The following HHATL variants were observed in gnomAD, a reference collection of about 807,000 sequenced individuals.
HHATL encodes the protein protein-cysteine N-palmitoyltransferase HHAT-like protein.
Under a neutral mutation model 59.7 loss-of-function variants are expected in HHATL, and 49 were observed. The ratio of observed to expected loss-of-function variants is 0.82; its 90% CI spans 0.65 to 1.04. The LOEUF (loss-of-function observed/expected upper bound fraction) is 1.04. HHATL is among the 50% of genes least tolerant of loss of function. HHATL has a pLI of 0.00. For synonymous variants in HHATL, 238 were observed against 257.3 expected (o/e 0.93, Z 0.72); for missense variants, 605 against 650.8 (o/e 0.93, Z 0.77).
At position 42,700,720 on chromosome 3, in the gene HHATL, C is replaced by T. The variant is rs778725411; in HGVS notation, c.106+1G>A. On this transcript the variant is annotated splice_donor_variant, in intron 2 of 11. Transcript: ENST00000441594. LOFTEE classifies it high-confidence loss of function. ...CACCTGCCCCGGGGCACAGCCATTA[C>T]CTTGTGAAGCCTCAAGGAGGCCCCG... is the stretch of plus-strand genomic sequence containing the variant. The T allele has an allele frequency of 3.1e-6, 5 of 1,607,750 alleles. No homozygotes were observed. The highest frequency in any genetic ancestry group is 1.3e-5 in the African/African-American group (1 of 74,854).
rs752426856 is a variant in HHATL, at chr3:42,697,015, G to T, written c.996C>A (p.Tyr332Ter). 44 of 1,605,738 alleles carry T rather than the reference G, an allele frequency of 2.7e-5. No homozygotes were observed. Among genetic ancestry groups the T allele is most frequent in the Non-Finnish European group, 3.7e-5 (44 of 1,175,212 alleles). Reference protein sequence around the residue: ...PQPPKCITALYVFAETHFDRG... With the variant: ...PQPPKCITAL ...CCAGCACTCACGTTTCCGCAAAGAC[G>T]TAGAGTGCGGTGATGCACTTGGGAG... is the stretch of plus-strand genomic sequence containing the variant. The change falls in exon 8 of 12, where the codon TAC (tyrosine) becomes TAA (stop). Residue 332 changes from tyrosine to a stop codon, truncating the protein, a stop_gained. Transcript: ENST00000441594. LOFTEE classifies it high-confidence loss of function.
chr3:42,693,218 C>A lies in HHATL; in HGVS notation c.1249G>T (p.Ala417Ser), dbSNP rs1268347686. The A allele has an allele frequency of 1.9e-6, 3 of 1,613,916 alleles. No individual in the cohort carries two copies. The highest frequency in any genetic ancestry group is 2.5e-6 in the Non-Finnish European group (3 of 1,179,886). ...CGGGACATCTGCACTGACAGAGAGG[C>A]CTATCCGGTCCAGGAAAGCATGGGC... ...AEWGPLARIE[A>S]SLSVQMSRRV... The change falls in exon 11 of 12, where the codon GCC becomes TCC. Residue 417 changes from alanine (A) to serine (S), a missense_variant and splice_region_variant. Physicochemically the swap from Ala to Ser is moderately conservative, Grantham distance 99. Coordinates refer to ENST00000441594, the MANE Select transcript of HHATL (RefSeq NM_020707.4).
intron 1 of HHATL, among the ~76,000 whole-genome samples, chr3:42,702,375 C>T (rs574986811): frequency 1.1e-3 from 167 of 152,360 alleles, no homozygotes; most frequent in Middle Eastern, 6.8e-3. Context: ...GGAGCTGGCC[C>T]CCAGCCTGGG....
intron 2 of HHATL, among the ~76,000 whole-genome samples, chr3:42,700,444 C>CTG (rs33966867): frequency 0.036 from 5,261 of 146,414 alleles, 133 homozygotes; most frequent in African/African-American, 0.072. Context: ...GTCCAGGCCT[C>CTG]TGTGTGTGTG....
Position 42,701,084 on chromosome 3 carries a change from G to A in HHATL, c.-13-245C>T. Reference sequence around the variant, plus strand: ...ACCCATCAAGGCTCTTGCCCGCAGAGCCCTCACTCGCAGCCTGCCTCCCTC... The same window carrying A: ...ACCCATCAAGGCTCTTGCCCGCAGAACCCTCACTCGCAGCCTGCCTCCCTC... On this transcript the variant is annotated intron_variant, in intron 1 of 11. Transcript: ENST00000441594. This position sits in a 1 kb window ranked among gnomAD's most constrained non-coding sequence, Gnocchi z 5.1. 2.1e-6 allele frequency: 1 copy of A among 482,410 alleles called. No individual in the cohort carries two copies. Among genetic ancestry groups the A allele is most frequent in the Non-Finnish European group, 3.7e-6 (1 of 266,912 alleles). The allele number at this position is 482,410 out of a possible 1,614,324, so 29.9% of individuals were successfully genotyped here. A position where few individuals can be genotyped will look rare whatever the true frequency, so the allele number is the denominator to read the frequency against.
chr3:42,700,834 A>G lies in HHATL; in HGVS notation c.-8T>C. ...TGCTGTCTTGATGCCCATAGCCTGGACAGGGCTGGGGAGACAGGTTGGGTG... is the reference window on the plus strand; with the variant it reads ...TGCTGTCTTGATGCCCATAGCCTGGGCAGGGCTGGGGAGACAGGTTGGGTG... On this transcript the variant is annotated 5_prime_UTR_variant, in exon 2 of 12. Transcript: ENST00000441594. 6.2e-7 allele frequency: 1 copy of G among 1,607,882 alleles called. No individual in the cohort carries two copies. Among genetic ancestry groups the G allele is most frequent in the Non-Finnish European group, 8.5e-7 (1 of 1,174,608 alleles).
chr3:42,693,569 C>CA (rs745582979), intron 10 of HHATL, 48 bp downstream of exon 10: 3 of 1,527,566 alleles, frequency 2.0e-6, no homozygotes, highest in South Asian at 1.2e-5. Flanking sequence ...AGTGCCCCCC[C>CA]GCCCTCTATG....
chr3:42,697,757 C>T, intron 6 of HHATL, 78 bp from the exon 7 acceptor site: 1 of 1,451,274 alleles, frequency 6.9e-7, no homozygotes, highest in African/African-American at 1.4e-5. Flanking sequence ...TCACCAACTA[C>T]TTGGGGCAGG....
chr3:42,693,285 G>C (rs1697434650), intron 10 of HHATL, 67 bp from the exon 11 acceptor site: 1 of 1,586,478 alleles, frequency 6.3e-7, no homozygotes, highest in Non-Finnish European at 8.6e-7. Context: ...TGGTGGGTCA[G>C]CAGCCTTACC....
At chr3:42,698,051 G>T in intron 6 of HHATL, 91 bp downstream of exon 6, 1 of 1,305,866 alleles carries the variant, frequency 7.7e-7, no homozygotes, top group Non-Finnish European at 1.1e-6. Flanking sequence ...TGGGGATACA[G>T]CCTGCTTGGG....
intron 1 of HHATL, among the ~76,000 whole-genome samples, 179 bp downstream of exon 1, chr3:42,702,400 A>G (rs1457348898): frequency 6.6e-6 from 1 of 152,012 alleles, no homozygotes; most frequent in South Asian, 2.1e-4. Context: ...CTCCTGATAG[A>G]CCCCCAGACC....
chr3:42,698,907 G>C lies in HHATL; in HGVS notation c.289-5C>G. The stretch of plus-strand genomic sequence containing the variant: ...AGCATACATCCAGGAGCGGAGCTGT[G>C]GGCAGGGAGAAGGCTTCAGTTTCGC... On this transcript the variant is annotated splice_region_variant and splice_polypyrimidine_tract_variant and intron_variant, in intron 4 of 11. Coordinates refer to ENST00000441594, the MANE Select transcript of HHATL (RefSeq NM_020707.4). 1 of 1,604,912 alleles carries C rather than the reference G, an allele frequency of 6.2e-7. No individual in the cohort carries two copies. Among genetic ancestry groups the C allele is most frequent in the Non-Finnish European group, 8.5e-7 (1 of 1,174,560 alleles).
chr3:42,700,700 GC>G lies in HHATL; in HGVS notation c.106+20del. 6.4e-7 allele frequency: 1 copy of G among 1,559,310 alleles called. No individual in the cohort carries two copies. Among genetic ancestry groups the G allele is most frequent in the Non-Finnish European group, 8.8e-7 (1 of 1,132,968 alleles). On this transcript the variant is annotated intron_variant, in intron 2 of 11. Transcript: ENST00000441594. The stretch of plus-strand genomic sequence containing the variant: ...AGGGGAAGAAGGGTCCTGTCCACCT[GC>G]CCCGGGGCACAGCCATTACCTTGTG...
chr3:42,693,591 C>T (rs1697452361), intron 10 of HHATL, 26 bp downstream of exon 10: 3 of 1,605,400 alleles, frequency 1.9e-6, no homozygotes, highest in Non-Finnish European at 2.6e-6. Flanking sequence ...CCCAGCCAGT[C>T]CCAGCCCCAG....
chr3:42,698,981 G>C (rs1299006823), intron 4 of HHATL, 51 bp downstream of exon 4: 1 of 1,611,308 alleles, frequency 6.2e-7, no homozygotes, highest in Admixed American at 1.7e-5. Flanking sequence ...CAACCCTTGT[G>C]GTGAAAGAGG....
At chr3:42,695,030 G>T (rs1575230320) in intron 9 of HHATL, among the ~76,000 whole-genome samples, 1 of 152,156 alleles carries the variant, frequency 6.6e-6, no homozygotes, top group African/African-American at 2.4e-5. Flanking sequence ...GCACATAGGT[G>T]CTCAATAAAT....
intron 4 of HHATL, 49 bp downstream of exon 4, chr3:42,698,983 T>C (rs771137074): frequency 3.9e-5 from 63 of 1,611,152 alleles, no homozygotes; most frequent in Non-Finnish European, 4.8e-5. Context: ...ACCCTTGTGG[T>C]GAAAGAGGAG....
rs769883385 is a variant in HHATL, at chr3:42,698,243, G to T, written c.592C>A (p.Pro198Thr). ...TSFALESCAHPDRHYSLADLL... is the reference protein window; with the variant it reads ...TSFALESCAHTDRHYSLADLL... ...TCAGCTAAGGAGTAGTGGCGGTCAG[G>T]GTGGGCACAGCTCTCCAGTGCAAAG... The change falls in exon 6 of 12, where the codon CCT becomes ACT. Residue 198 changes from proline to threonine, a missense_variant. By Grantham distance (38) the Pro-to-Thr change is conservative (BLOSUM62 -1). Transcript: ENST00000441594. 2 of 1,614,028 alleles carry T rather than the reference G, an allele frequency of 1.2e-6. No homozygotes were observed. The highest frequency in any genetic ancestry group is 1.7e-6 in the Non-Finnish European group (2 of 1,180,018).
chr3:42,697,173 G>T, intron 7 of HHATL, 28 bp from the exon 8 acceptor site: 1 of 1,511,232 alleles, frequency 6.6e-7, no homozygotes, highest in Non-Finnish European at 8.8e-7. Context: ...TCACTGCCTG[G>T]GGTCCAATCG....
Sources: gnomAD v4.1 joint callset for allele counts (sites outside exome capture counted in the v4.1 genomes callset) on GRCh38, gnomAD v4.1.1 for gene constraint, Gnocchi (gnomAD v3.1) non-coding constraint, MANE v1.5 for transcripts, NCBI Gene and HGNC (gene_info 2026-07-23, HGNC 2026-07-21) for gene names.